The following ABCA9 variants were observed in gnomAD, a reference collection of about 807,000 sequenced individuals.
ABCA9 encodes ATP binding cassette subfamily A member 9.
Under a neutral mutation model 205.3 loss-of-function variants are expected in ABCA9, and 183 were observed. The observed-to-expected ratio is 0.89, with a 90% CI of 0.79 to 1.01. The LOEUF (loss-of-function observed/expected upper bound fraction) is 1.01. Among genes scored for constraint, ABCA9 ranks in the 50% least tolerant of loss-of-function variants. ABCA9 has a pLI of 0.00. For synonymous variants in ABCA9, 651 were observed against 683.3 expected, an observed-to-expected ratio of 0.95 and a Z score of 0.74; for missense variants, 1,805 against 1,912.4, an observed-to-expected ratio of 0.94 and a Z score of 1.05.
At chr17:68,989,155 A>C (rs747205978) in intron 30 of ABCA9, 37 bp from the exon 31 acceptor site, 15 of 1,362,560 alleles carry the variant, frequency 1.1e-5, no homozygotes, top group Non-Finnish European at 1.5e-5. Flanking sequence ...TATACAAATA[A>C]TTGCAACAAA....
intron 3 of ABCA9, 74 bp from the exon 4 acceptor site, chr17:69,045,410 G>A (rs1266776235): frequency 1.5e-6 from 2 of 1,354,530 alleles, no homozygotes; most frequent in East Asian, 2.7e-5. Context: ...TTATGTTGAG[G>A]TTATTTTATG....
At chr17:69,044,773 C>A in intron 4 of ABCA9, among the ~76,000 whole-genome samples, 173 bp from the exon 5 acceptor site, 2 of 152,134 alleles carry the variant, frequency 1.3e-5, no homozygotes, top group South Asian at 4.1e-4. Flanking sequence ...AATTACTTTA[C>A]GAATATTTTT....
intron 22 of ABCA9, 57 bp from the exon 23 acceptor site, chr17:69,012,140 A>T: frequency 8.3e-7 from 1 of 1,198,576 alleles, no homozygotes; most frequent in Non-Finnish European, 1.2e-6. Context: ...TTTCATCTGT[A>T]CTTTCTTAAC....
intron 22 of ABCA9, 147 bp downstream of exon 22, chr17:69,016,106 A>G (rs111457457): frequency 0.02 from 4,529 of 226,266 alleles, 64 homozygotes; most frequent in East Asian, 0.043. Flanking sequence ...GTGTGTGTAT[A>G]TATATATATA....
At chr17:69,061,061 T>TTC (rs1434376040), upstream of ABCA9, 56 of 985,330 alleles carry the variant, frequency 5.7e-5, no homozygotes, top group Admixed American at 6.2e-5. Flanking sequence ...CCAAAATATC[T>TTC]TCTGCTCACG....
rs191777833 is a variant in ABCA9, at chr17:69,038,392, G to A, written c.801-2591C>T. ...CCATGATCAACTTGGCTTCATCCCC[G>A]GGATGCAAGGCAGGTTCAACATATG... On this transcript the variant is annotated intron_variant, in intron 6 of 38. Transcript: ENST00000340001. Among the ~76,000 whole-genome samples, 28 of 152,184 alleles carry A rather than the reference G, an allele frequency of 1.8e-4. No individual in the cohort carries two copies. The East Asian group carries it at 4.6e-3, about 25-fold the overall frequency.
intron 3 of ABCA9, among the ~76,000 whole-genome samples, chr17:69,049,047 G>T (rs532784825): frequency 8.5e-5 from 13 of 152,170 alleles, no homozygotes; most frequent in African/African-American, 3.1e-4. Flanking sequence ...AATAACCCTG[G>T]ACTATCTCAT....
chr17:69,033,260 TC>T (rs1193657822), intron 9 of ABCA9: 8 of 121,344 alleles, frequency 6.6e-5, no homozygotes, highest in African/African-American at 2.5e-4. Context: ...TGAGCAGAGA[TC>T]GCGCCACTGC....
chr17:69,017,950 A>G (rs1284727222), intron 20 of ABCA9, among the ~76,000 whole-genome samples, 161 bp from the exon 21 acceptor site: 1 of 152,186 alleles, frequency 6.6e-6, no homozygotes, highest in African/African-American at 2.4e-5. Flanking sequence ...AATCCAGTCT[A>G]ACATCATAGG....
intron 1 of ABCA9, among the ~76,000 whole-genome samples, chr17:69,054,457 G>A (rs2072004744): frequency 6.6e-6 from 1 of 151,616 alleles, no homozygotes. Flanking sequence ...GGGCCTGAGA[G>A]GTGGAGGCTG....
chr17:68,997,640 A>AT (rs1364588238), intron 25 of ABCA9, among the ~76,000 whole-genome samples: 2 of 75,362 alleles, frequency 2.7e-5, no homozygotes, highest in African/African-American at 4.7e-5. Context: ...TTATTTATTC[A>AT]TTTTTTGGAG....
intron 25 of ABCA9, among the ~76,000 whole-genome samples, chr17:69,007,098 C>A (rs2070166072): frequency 6.6e-6 from 1 of 152,150 alleles, no homozygotes; most frequent in African/African-American, 2.4e-5. Context: ...TAGGTGGATT[C>A]TGCTGCAATA....
At chr17:69,046,922 T>C (rs899453585) in intron 3 of ABCA9, among the ~76,000 whole-genome samples, 7 of 123,768 alleles carry the variant, frequency 5.7e-5, no homozygotes, top group Non-Finnish European at 1.8e-5. Context: ...TAAAATTTTA[T>C]ATATATAGAA....
chr17:68,998,551 T>C (rs1001643539), intron 25 of ABCA9, among the ~76,000 whole-genome samples: 2 of 152,152 alleles, frequency 1.3e-5, no homozygotes, highest in African/African-American at 4.8e-5. Flanking sequence ...AACAGTTCTT[T>C]CTAAATTTAA....
chr17:69,036,871 C>CAAAAAAAAAAAAA lies in ABCA9; in HGVS notation c.801-1083_801-1071dup, dbSNP rs781565554. The stretch of plus-strand genomic sequence containing the variant: ...GAATATTTACCAAGTAAATGGAAAG[C>CAAAAAAAAAAAAA]AAAAAAAAAAAAAAAAAAAAAAAAA... On this transcript the variant is annotated intron_variant, in intron 6 of 38. Transcript: ENST00000340001. 6.4e-4 allele frequency among the ~76,000 whole-genome samples: 3 copies of CAAAAAAAAAAAAA among 4,712 alleles called. 1 individual carries two copies. Among genetic ancestry groups the CAAAAAAAAAAAAA allele is most frequent in the Non-Finnish European group, 8.5e-4 (2 of 2,366 alleles). The allele number at this position is 4,712 out of a possible 152,430, so 3.1% of individuals were successfully genotyped here. A position where few individuals can be genotyped will look rare whatever the true frequency, so the allele number is the denominator to read the frequency against.
chr17:69,016,960 T>C (rs1454119116), intron 21 of ABCA9, among the ~76,000 whole-genome samples: 4 of 152,140 alleles, frequency 2.6e-5, no homozygotes, highest in Non-Finnish European at 5.9e-5. Flanking sequence ...GAACACATTT[T>C]TGCAATCATA....
chr17:69,027,523 T>C, intron 13 of ABCA9, 74 bp from the exon 14 acceptor site: 1 of 1,565,922 alleles, frequency 6.4e-7, no homozygotes, highest in Non-Finnish European at 8.6e-7. Context: ...TTCTGTTCTT[T>C]ACAAAGGGCC....
rs948006362 is a variant in ABCA9, at chr17:69,029,157, T to A, written c.1504+12A>T. On this transcript the variant is annotated intron_variant, in intron 11 of 38. Coordinates refer to ENST00000340001, the MANE Select transcript of ABCA9 (RefSeq NM_080283.4). ...TCAAGCAGCCCCATTAAATAAAATA[T>A]TATTTTATTACCTTTCAAAGCTTCT... The A allele has an allele frequency of 6.7e-7, 1 of 1,482,574 alleles. No individual in the cohort carries two copies. The highest frequency in any genetic ancestry group is 9.2e-7 in the Non-Finnish European group (1 of 1,084,266). 91.8% of individuals were successfully genotyped at this position (1,482,574 alleles called of 1,614,324 possible). A position where few individuals can be genotyped will look rare whatever the true frequency, so the allele number is the denominator to read the frequency against.
chr17:69,033,721 C>T lies in ABCA9; in HGVS notation c.1276+5G>A. 1 of 1,603,874 alleles carries T rather than the reference C, an allele frequency of 6.2e-7. No homozygotes were observed. Among genetic ancestry groups the T allele is most frequent in the Non-Finnish European group, 8.5e-7 (1 of 1,174,548 alleles). ...GTGTTAAATTACAGCCATGTTAGTA[C>T]TTACCGGGCAAAATTTTGTCAAAAT... On this transcript the variant is annotated splice_donor_5th_base_variant and intron_variant, in intron 9 of 38. Coordinates refer to ENST00000340001, the MANE Select transcript of ABCA9 (RefSeq NM_080283.4).
Sources: allele counts gnomAD v4.1 joint callset (sites outside exome capture counted in the v4.1 genomes callset), GRCh38; gene constraint gnomAD v4.1.1; transcripts MANE v1.5; gene names NCBI Gene and HGNC (gene_info 2026-07-23, HGNC 2026-07-21).